The following CA10 variants were observed in gnomAD, a reference collection of about 807,000 sequenced individuals.
The protein encoded by CA10 is carbonic anhydrase 10 (inactive).
Under a neutral mutation model 44.2 loss-of-function variants are expected in CA10, and 14 were observed. The ratio of observed to expected loss-of-function variants is 0.32; its 90% CI spans 0.21 to 0.50. CA10 has a LOEUF of 0.50. Among genes scored for constraint, CA10 ranks in the 20% least tolerant of loss-of-function variants. CA10 has a pLI of 0.99. For missense variants in CA10, 350 were observed against 409.7 expected (o/e 0.85, Z 1.26); for synonymous variants, 159 against 141.6 (o/e 1.12, Z -0.87).
chr17:51,823,447 G>A (rs1034135446), intron 3 of CA10, among the ~76,000 whole-genome samples: 51 of 152,218 alleles, frequency 3.4e-4, no homozygotes, highest in Admixed American at 5.2e-4. Context: ...GATACCAACT[G>A]CCAAGGGGCT....
At chr17:52,087,430 C>A (rs947933860) in intron 1 of CA10, among the ~76,000 whole-genome samples, 4 of 152,228 alleles carry the variant, frequency 2.6e-5, no homozygotes, top group African/African-American at 9.6e-5. Context: ...ATGTGAGCCA[C>A]CGCACCTGGC....
At chr17:51,961,749 G>C (rs1983900902) in intron 2 of CA10, among the ~76,000 whole-genome samples, 2 of 152,184 alleles carry the variant, frequency 1.3e-5, no homozygotes, top group Non-Finnish European at 2.9e-5. Flanking sequence ...AAACTGACAA[G>C]AAATGGGAGG....
At chr17:52,136,579 C>G (rs1006527299) in intron 1 of CA10, among the ~76,000 whole-genome samples, 3 of 152,164 alleles carry the variant, frequency 2.0e-5, no homozygotes, top group Admixed American at 1.3e-4. Context: ...ATCTGTGTGT[C>G]TTGCTCACAG....
chr17:51,971,724 A>T (rs2144070573), intron 2 of CA10, among the ~76,000 whole-genome samples: 1 of 152,206 alleles, frequency 6.6e-6, no homozygotes, highest in East Asian at 1.9e-4. Flanking sequence ...TTTTAAAAAG[A>T]ACTTGTGTTT....
intron 2 of CA10, among the ~76,000 whole-genome samples, chr17:51,943,601 C>G (rs538172571): frequency 2.0e-5 from 3 of 152,324 alleles, no homozygotes; most frequent in African/African-American, 7.2e-5. Context: ...CTGCCTGGAG[C>G]ATCCTTCCTT....
chr17:51,952,417 C>G (rs1398650893), intron 2 of CA10, among the ~76,000 whole-genome samples: 2 of 152,100 alleles, frequency 1.3e-5, no homozygotes, highest in Admixed American at 1.3e-4. Flanking sequence ...TGTAACTGCA[C>G]ACTGGCTCAT....
intron 3 of CA10, among the ~76,000 whole-genome samples, chr17:51,838,632 A>C (rs1978295834): frequency 1.3e-5 from 2 of 152,262 alleles, no homozygotes; most frequent in Admixed American, 1.3e-4. Context: ...GACTTCATGC[A>C]TTATCAAAAC....
rs147176827 is a variant in CA10 at position 51,727,386 on chromosome 17, T to C, written c.465+20247A>G. Among the ~76,000 whole-genome samples, 424 of 145,520 alleles carry C rather than the reference T, an allele frequency of 2.9e-3. 1 individual carries two copies. Among genetic ancestry groups the C allele is most frequent in the African/African-American group, 9.9e-3 (395 of 39,998 alleles). On this transcript the variant is annotated intron_variant, in intron 4 of 8. Coordinates refer to ENST00000451037, the MANE Select transcript of CA10 (RefSeq NM_020178.5). ...TTTTAATGAACCCAGATTAATGAGA[T>C]GTCACCAAGACGATTTTTTTTTTTA...
At chr17:52,031,808 G>A (rs934129479) in intron 2 of CA10, among the ~76,000 whole-genome samples, 4 of 151,880 alleles carry the variant, frequency 2.6e-5, no homozygotes, top group African/African-American at 7.3e-5. Flanking sequence ...TTGCTCAATC[G>A]ATAAATCAAA....
chr17:52,012,838 T>A (rs1028214126), intron 2 of CA10, among the ~76,000 whole-genome samples: 1 of 150,348 alleles, frequency 6.7e-6, no homozygotes, highest in East Asian at 2.0e-4. Flanking sequence ...AAAAAAAAAA[T>A]GTCCTATTTT....
intron 3 of CA10, among the ~76,000 whole-genome samples, chr17:51,770,343 C>T (rs1021211381): frequency 6.6e-6 from 1 of 151,704 alleles, no homozygotes; most frequent in East Asian, 1.9e-4. Context: ...TATGTTTTCT[C>T]CATATGCTAT....
At chr17:51,802,429 G>A (rs2143720463) in intron 3 of CA10, among the ~76,000 whole-genome samples, 1 of 152,124 alleles carries the variant, frequency 6.6e-6, no homozygotes, top group East Asian at 1.9e-4. Flanking sequence ...ATAAATGCCT[G>A]GCAGAGTCAA....
At chr17:51,852,988 G>T (rs1978860757) in intron 3 of CA10, among the ~76,000 whole-genome samples, 1 of 151,372 alleles carries the variant, frequency 6.6e-6, no homozygotes, top group Admixed American at 6.6e-5. Flanking sequence ...TGTCTAAGCT[G>T]TTTTATTTAA....
chr17:51,752,633 A>G (rs1713319426), intron 3 of CA10, among the ~76,000 whole-genome samples: 1 of 152,180 alleles, frequency 6.6e-6, no homozygotes, highest in South Asian at 2.1e-4. Flanking sequence ...AGATTAAAAA[A>G]AAATACTTTG....
rs148210400 is a variant in CA10, at chr17:51,671,455, A to G, written c.466-17719T>C. ...AATCTCGCTCTGTTGCCCAGGCTGGAGTGCAGTGGTGCGATCTTGGCTCAC... is the reference window on the plus strand; with the variant it reads ...AATCTCGCTCTGTTGCCCAGGCTGGGGTGCAGTGGTGCGATCTTGGCTCAC... On this transcript the variant is annotated intron_variant, in intron 4 of 8. Transcript: ENST00000451037. 3.0e-3 allele frequency among the ~76,000 whole-genome samples: 462 copies of G among 152,122 alleles called. 2 individuals are homozygous for G. Among genetic ancestry groups the G allele is most frequent in the African/African-American group, 0.011 (442 of 41,516 alleles).
chr17:52,075,541 A>C (rs1987796389), intron 1 of CA10, among the ~76,000 whole-genome samples: 1 of 152,236 alleles, frequency 6.6e-6, no homozygotes, highest in Admixed American at 6.5e-5. Context: ...AAATAAATAA[A>C]ACAGTTTTTC....
At chr17:51,669,175 G>A (rs1042014328) in intron 4 of CA10, among the ~76,000 whole-genome samples, 4 of 152,392 alleles carry the variant, frequency 2.6e-5, no homozygotes, top group African/African-American at 9.6e-5. Context: ...CCCAGTGTGG[G>A]ATCCACTAGG....
At chr17:52,079,871 C>T (rs1260868667) in intron 1 of CA10, among the ~76,000 whole-genome samples, 9 of 152,182 alleles carry the variant, frequency 5.9e-5, no homozygotes, top group Non-Finnish European at 8.8e-5. Flanking sequence ...TTCCTGAATT[C>T]GCAAGACAGG....
intron 2 of CA10, among the ~76,000 whole-genome samples, chr17:52,051,093 AAGGG>A (rs900062003): frequency 4.2e-5 from 6 of 143,060 alleles, no homozygotes; most frequent in African/African-American, 1.5e-4. Context: ...GAAGAGTGGG[AAGGG>A]AGGAAGGAAG....
Sources: gnomAD v4.1 joint callset for allele counts (sites outside exome capture counted in the v4.1 genomes callset) on GRCh38, gnomAD v4.1.1 for gene constraint, MANE v1.5 for transcripts, NCBI Gene and HGNC (gene_info 2026-07-23, HGNC 2026-07-21) for gene names.